BICC1: variants seen among roughly 807,000 people sequenced by gnomAD.
BICC1 encodes the protein BicC family RNA binding protein 1.
BICC1 carries 43 observed loss-of-function variants against 111.0 expected under a neutral mutation model. The observed-to-expected ratio is 0.39, with a 90% CI of 0.30 to 0.50. The LOEUF is 0.50. Among genes scored for constraint, BICC1 ranks in the 20% least tolerant of loss-of-function variants. BICC1 has a pLI of 0.88. For missense variants in BICC1, 1,091 were observed against 1,203.2 expected, an observed-to-expected ratio of 0.91 and a Z score of 1.38; for synonymous variants, 467 against 434.4, an observed-to-expected ratio of 1.07 and a Z score of -0.93.
At chr10:58,531,245 C>T (rs551136746) in intron 1 of BICC1, among the ~76,000 whole-genome samples, 50 of 151,870 alleles carry the variant, frequency 3.3e-4, no homozygotes, top group African/African-American at 8.9e-4. Flanking sequence ...GAGAGCTCAG[C>T]GGTTGGTGGC....
At chr10:58,719,212 C>G (rs1840859174) in intron 3 of BICC1, among the ~76,000 whole-genome samples, 1 of 152,086 alleles carries the variant, frequency 6.6e-6, no homozygotes, top group African/African-American at 2.4e-5. Flanking sequence ...AAAATAGCAC[C>G]TTATATTAAA....
At chr10:58,611,237 C>T (rs1033476184) in intron 1 of BICC1, among the ~76,000 whole-genome samples, 30 of 152,090 alleles carry the variant, frequency 2.0e-4, no homozygotes, top group African/African-American at 6.5e-4. Context: ...GCAATTCAAG[C>T]TATTTAAAGG....
At chr10:58,626,559 A>G (rs1837631341) in intron 2 of BICC1, among the ~76,000 whole-genome samples, 1 of 152,194 alleles carries the variant, frequency 6.6e-6, no homozygotes, top group Non-Finnish European at 1.5e-5. Context: ...AAAAAGATCA[A>G]GTAATTTGCT....
At position 58,574,398 on chromosome 10, in the gene BICC1, C is replaced by CT. The variant is rs563613853; in HGVS notation, c.191-46451dup. On this transcript the variant is annotated intron_variant, in intron 1 of 20. Transcript: ENST00000373886. ...CCAGAGAACAGGCTCTTTCAGTTTG[C>CT]TTTTTTCTGGGAAGTGAGATAAAAA... Among the ~76,000 whole-genome samples the CT allele has an allele frequency of 9.9e-5, 15 of 152,202 alleles. No homozygotes were observed. In the South Asian group the frequency reaches 1.7e-3, roughly 17 times the overall value.
At chr10:58,698,441 T>C (rs970628753) in intron 2 of BICC1, among the ~76,000 whole-genome samples, 1 of 152,150 alleles carries the variant, frequency 6.6e-6, no homozygotes, top group Admixed American at 6.5e-5. Context: ...AGCCAACTTT[T>C]TCTCCTCCTT....
intron 1 of BICC1, among the ~76,000 whole-genome samples, chr10:58,592,871 G>A (rs1356886599): frequency 2.1e-5 from 2 of 96,302 alleles, no homozygotes; most frequent in African/African-American, 4.3e-5. Context: ...GCAAGACTCC[G>A]TCTCAAAAAA....
intron 1 of BICC1, among the ~76,000 whole-genome samples, chr10:58,595,307 G>A (rs1416699662): frequency 2.6e-5 from 4 of 152,078 alleles, no homozygotes; most frequent in African/African-American, 9.7e-5. Flanking sequence ...ACAGATCAAC[G>A]AGACAGAAAA....
chr10:58,751,184 G>A (rs908153593), intron 3 of BICC1, among the ~76,000 whole-genome samples: 2 of 152,050 alleles, frequency 1.3e-5, no homozygotes, highest in Non-Finnish European at 2.9e-5. Flanking sequence ...AAATAAATAA[G>A]GTTGTTTTTC....
chr10:58,654,024 T>C (rs1409481888), intron 2 of BICC1, among the ~76,000 whole-genome samples: 2 of 151,018 alleles, frequency 1.3e-5, no homozygotes, highest in African/African-American at 4.9e-5. Context: ...TCATTTTTTA[T>C]GGCTGCATAG....
chr10:58,513,189 C>A lies in BICC1; in HGVS notation c.46C>A (p.Pro16Thr), dbSNP rs1356469236. ...EPGYLAAQSDPGSNSERSTDS... is the reference protein window; with the variant it reads ...EPGYLAAQSDTGSNSERSTDS... ...CGGCTACCTGGCGGCGCAGTCGGAC[C>A]CCGGCTCCAACAGCGAGCGCAGCAC... Residue 16 changes from proline (P) to threonine (T), a missense_variant, in exon 1 of 21, where the codon CCC (proline) becomes ACC (threonine). This residue lies in a region of BICC1 where 843 missense variants were observed against 900.8 expected (regional missense o/e 0.94). Transcript: ENST00000373886. 3.1e-6 allele frequency: 5 copies of A among 1,592,274 alleles called. No individual in the cohort carries two copies. In the Admixed American group the frequency reaches 5.2e-5, roughly 17 times the overall value.
chr10:58,679,407 C>T (rs1281028942), intron 2 of BICC1, among the ~76,000 whole-genome samples: 1 of 152,150 alleles, frequency 6.6e-6, no homozygotes, highest in Non-Finnish European at 1.5e-5. Context: ...ACTATAAGCA[C>T]CTGTATGCAA....
intron 2 of BICC1, among the ~76,000 whole-genome samples, chr10:58,633,755 G>A (rs2132182644): frequency 6.6e-6 from 1 of 152,248 alleles, no homozygotes; most frequent in South Asian, 2.1e-4. Flanking sequence ...GAGAAAAAGA[G>A]ACAAATGATT....
At chr10:58,810,792 A>G (rs1180970434) in intron 17 of BICC1, among the ~76,000 whole-genome samples, 1 of 152,124 alleles carries the variant, frequency 6.6e-6, no homozygotes, top group African/African-American at 2.4e-5. Context: ...GTAGCTAAAA[A>G]CACCTTCCTT....
chr10:58,790,035 C>G, intron 8 of BICC1, 102 bp downstream of exon 8: 4 of 1,300,346 alleles, frequency 3.1e-6, no homozygotes, highest in Non-Finnish European at 4.2e-6. Context: ...GAAAGCACTT[C>G]GGAAGCCTCG....
chr10:58,748,285 T>C (rs1409399459), intron 3 of BICC1, among the ~76,000 whole-genome samples: 2 of 152,110 alleles, frequency 1.3e-5, no homozygotes, highest in Non-Finnish European at 2.9e-5. Context: ...ATGGAGCTTA[T>C]AACCTGGTGG....
Position 58,513,258 on chromosome 10 carries a change from G to A in BICC1, c.115G>A (p.Ala39Thr), listed in dbSNP as rs1374499604. ...CTCCGAGGACGACTTGGTCGCCGGG[G>A]CGACCCTGCACAGCCCGGAGTGGAG... ...PGSEDDLVAG[A>T]TLHSPEWSEE... The change falls in exon 1 of 21, where the codon GCG (alanine) becomes ACG (threonine). Residue 39 changes from alanine (A) to threonine (T), a missense_variant. Physicochemically the swap from Ala to Thr is moderately conservative, Grantham distance 58. This residue lies in a region of BICC1 where 843 missense variants were observed against 900.8 expected (regional missense o/e 0.94). Coordinates refer to ENST00000373886, the MANE Select transcript of BICC1 (RefSeq NM_001080512.3). 6.2e-7 allele frequency: 1 copy of A among 1,613,242 alleles called. No homozygotes were observed. The highest frequency in any genetic ancestry group is 8.5e-7 in the Non-Finnish European group (1 of 1,179,694).
At chr10:58,676,585 G>A (rs941955890) in intron 2 of BICC1, among the ~76,000 whole-genome samples, 2 of 152,210 alleles carry the variant, frequency 1.3e-5, no homozygotes, top group African/African-American at 4.8e-5. Context: ...CCCTGGGACA[G>A]AGCACCTGGG....
chr10:58,705,175 T>C (rs1181782422), intron 3 of BICC1, among the ~76,000 whole-genome samples: 1 of 152,182 alleles, frequency 6.6e-6, no homozygotes, highest in Non-Finnish European at 1.5e-5. Flanking sequence ...TACTGGGAGC[T>C]GCTATATTTA....
intron 2 of BICC1, among the ~76,000 whole-genome samples, chr10:58,692,659 G>A (rs1399324562): frequency 7.2e-5 from 11 of 152,132 alleles, no homozygotes; most frequent in Admixed American, 7.2e-4. Flanking sequence ...TCTTTTTGTT[G>A]TATAATTTAC....
Sources: allele counts gnomAD v4.1 joint callset (sites outside exome capture counted in the v4.1 genomes callset), GRCh38; gene constraint gnomAD v4.1.1; regional missense constraint gnomAD v4.1.1; transcripts MANE v1.5; gene names NCBI Gene and HGNC (gene_info 2026-07-23, HGNC 2026-07-21).